PRKAR2A: variants seen among roughly 807,000 people sequenced by gnomAD.
PRKAR2A encodes the protein cAMP-dependent protein kinase type II-alpha regulatory subunit.
Under a neutral mutation model 51.9 loss-of-function variants are expected in PRKAR2A, and 29 were observed. The ratio of observed to expected loss-of-function variants is 0.56; its 90% confidence interval spans 0.42 to 0.76. The LOEUF (loss-of-function observed/expected upper bound fraction) is 0.76, where lower values mean the gene tolerates loss of function less well. Among genes scored for constraint, PRKAR2A ranks in the 30% least tolerant of loss-of-function variants. The pLI, the probability that PRKAR2A is intolerant of heterozygous loss-of-function variation, is 0.00. For missense variants in PRKAR2A, 445 were observed against 512.1 expected (o/e 0.87, Z 1.26); for synonymous variants, 178 against 186.2 (o/e 0.96, Z 0.36).
At chr3:48,773,726 C>T (rs564483361) in intron 5 of PRKAR2A, among the ~76,000 whole-genome samples, 1 of 151,520 alleles carries the variant, frequency 6.6e-6, no homozygotes, top group East Asian at 1.9e-4. Context: ...TTTTTCCCCC[C>T]ATCTTTAACT....
At chr3:48,833,395 C>T (rs1029317147) in intron 1 of PRKAR2A, among the ~76,000 whole-genome samples, 5 of 152,098 alleles carry the variant, frequency 3.3e-5, no homozygotes, top group Non-Finnish European at 7.4e-5. Context: ...AAACAGCCCA[C>T]GGTTCCTCTT....
intron 3 of PRKAR2A, among the ~76,000 whole-genome samples, chr3:48,791,571 C>A (rs1309551356): frequency 9.0e-6 from 1 of 110,642 alleles, no homozygotes; most frequent in Non-Finnish European, 1.7e-5. Context: ...TGTAGCCTGG[C>A]GACAGAGCAA....
intron 2 of PRKAR2A, among the ~76,000 whole-genome samples, chr3:48,800,657 G>C (rs1266194891): frequency 6.9e-6 from 1 of 144,352 alleles, no homozygotes; most frequent in African/African-American, 2.5e-5. Flanking sequence ...TGTAGAAATT[G>C]GAAGGCATGG....
At chr3:48,787,072 TAAG>T (rs1369620205) in intron 4 of PRKAR2A, among the ~76,000 whole-genome samples, 1 of 152,160 alleles carries the variant, frequency 6.6e-6, no homozygotes, top group East Asian at 1.9e-4. Flanking sequence ...TGGAGGAGAC[TAAG>T]AAGAAATAAC....
intron 5 of PRKAR2A, among the ~76,000 whole-genome samples, chr3:48,780,139 CAG>C (rs1190056474): frequency 4.7e-5 from 7 of 149,790 alleles, no homozygotes; most frequent in Admixed American, 6.7e-5. Flanking sequence ...AGCCTTGCGA[CAG>C]AGTGAGACTC....
At chr3:48,820,677 A>G (rs2082946319) in intron 1 of PRKAR2A, among the ~76,000 whole-genome samples, 1 of 152,192 alleles carries the variant, frequency 6.6e-6, no homozygotes, top group South Asian at 2.1e-4. Flanking sequence ...AAACCAGGAT[A>G]ATAATAGCAC....
chr3:48,786,999 A>G (rs1488912034), intron 4 of PRKAR2A, among the ~76,000 whole-genome samples: 1 of 152,184 alleles, frequency 6.6e-6, no homozygotes, highest in Non-Finnish European at 1.5e-5. Context: ...AGAATGACTA[A>G]CTAGTACTCT....
chr3:48,763,479 C>G (rs1312162429), intron 8 of PRKAR2A, among the ~76,000 whole-genome samples: 1 of 152,150 alleles, frequency 6.6e-6, no homozygotes, highest in African/African-American at 2.4e-5. Flanking sequence ...GGCCTAGAAC[C>G]TTCAGGATGA....
intron 1 of PRKAR2A, among the ~76,000 whole-genome samples, chr3:48,820,231 G>A (rs1348493998): frequency 1.3e-5 from 2 of 152,194 alleles, no homozygotes; most frequent in African/African-American, 4.8e-5. Flanking sequence ...AAGGGAATAA[G>A]AGGGTCATAC....
intron 9 of PRKAR2A, among the ~76,000 whole-genome samples, chr3:48,753,180 G>A (rs939779994): frequency 2.0e-5 from 3 of 150,694 alleles, no homozygotes; most frequent in African/African-American, 4.9e-5. Flanking sequence ...TAATCTGCCC[G>A]CCTCGGCCTC....
chr3:48,751,475 A>G lies in PRKAR2A; in HGVS notation c.*110T>C. ...TGCCCATAACCACAGCAATGGCAGC[A>G]GTGGCGGCAACGGCAGGAACAGTTC... is the stretch of plus-strand genomic sequence containing the variant. On this transcript the variant is annotated 3_prime_UTR_variant, in exon 11 of 11. Transcript: ENST00000265563. 2 of 1,471,536 alleles carry G rather than the reference A, an allele frequency of 1.4e-6. No homozygotes were observed. Among genetic ancestry groups the G allele is most frequent in the Non-Finnish European group, 1.9e-6 (2 of 1,060,120 alleles). The allele number at this position is 1,471,536 out of a possible 1,614,324, so 91.2% of individuals were successfully genotyped here. A position where few individuals can be genotyped will look rare whatever the true frequency, so the allele number is the denominator to read the frequency against.
At chr3:48,752,051 T>C in intron 10 of PRKAR2A, 125 bp downstream of exon 10, 2 of 1,085,616 alleles carry the variant, frequency 1.8e-6, no homozygotes, top group Non-Finnish European at 2.6e-6. Context: ...CATCTCTGGT[T>C]GGTCACATAA....
intron 1 of PRKAR2A, 88 bp from the exon 2 acceptor site, chr3:48,807,772 G>T: frequency 9.1e-7 from 1 of 1,096,452 alleles, no homozygotes; most frequent in South Asian, 1.3e-5. Context: ...TTTTACAATA[G>T]ACCTAAGCCC....
At chr3:48,757,954 G>T (rs1272373057) in intron 8 of PRKAR2A, among the ~76,000 whole-genome samples, 2 of 152,034 alleles carry the variant, frequency 1.3e-5, no homozygotes, top group Non-Finnish European at 2.9e-5. Flanking sequence ...TACTTGGGAG[G>T]CTGAGGCAGA....
At chr3:48,808,194 C>T (rs1198363708) in intron 1 of PRKAR2A, among the ~76,000 whole-genome samples, 1 of 151,362 alleles carries the variant, frequency 6.6e-6, no homozygotes, top group African/African-American at 2.4e-5. Flanking sequence ...ACTACAGGCG[C>T]CCGCCACCAT....
chr3:48,843,046 G>C (rs1264228766), intron 1 of PRKAR2A, among the ~76,000 whole-genome samples: 3 of 152,138 alleles, frequency 2.0e-5, no homozygotes, highest in Non-Finnish European at 4.4e-5. Context: ...TCTGGTCCTG[G>C]ACTCTTTTTG....
intron 1 of PRKAR2A, among the ~76,000 whole-genome samples, chr3:48,829,602 ATAAATG>A (rs1461763560): frequency 7.0e-5 from 5 of 71,742 alleles, no homozygotes; most frequent in Non-Finnish European, 1.3e-4. Flanking sequence ...ATACACACAC[ATAAATG>A]TGTGTGTGTA....
chr3:48,842,428 T>C (rs1253692049), intron 1 of PRKAR2A, among the ~76,000 whole-genome samples: 1 of 152,182 alleles, frequency 6.6e-6, no homozygotes, highest in East Asian at 1.9e-4. Flanking sequence ...CTAATTGCCC[T>C]GGCCACAACT....
At chr3:48,836,391 A>C (rs2083283378) in intron 1 of PRKAR2A, among the ~76,000 whole-genome samples, 1 of 138,716 alleles carries the variant, frequency 7.2e-6, no homozygotes, top group Admixed American at 7.9e-5. Context: ...TGTGCACTCC[A>C]GCCTGGGCGA....
Sources: allele counts gnomAD v4.1 joint callset (sites outside exome capture counted in the v4.1 genomes callset), GRCh38; gene constraint gnomAD v4.1.1; transcripts MANE v1.5; gene names NCBI Gene and HGNC (gene_info 2026-07-23, HGNC 2026-07-21).